Variants in ARHGEF10L observed in about 807,000 individuals in gnomAD.
ARHGEF10L encodes Rho guanine nucleotide exchange factor 10 like.
Under a neutral mutation model 141.2 loss-of-function variants are expected in ARHGEF10L, and 69 were observed. That is an observed-to-expected ratio of 0.49 (90% CI 0.40 to 0.60). The LOEUF (loss-of-function observed/expected upper bound fraction) is 0.60, where lower values mean the gene tolerates loss of function less well. ARHGEF10L is among the 20% of genes least tolerant of loss of function. ARHGEF10L has a pLI of 0.00. For missense variants in ARHGEF10L, 1,482 were observed against 1,734.3 expected (o/e 0.85, Z 2.58); for synonymous variants, 711 against 718.5 (o/e 0.99, Z 0.17).
intron 7 of ARHGEF10L, among the ~76,000 whole-genome samples, chr1:17,608,741 A>C (rs1283819484): frequency 6.6e-6 from 1 of 152,048 alleles, no homozygotes; most frequent in Non-Finnish European, 1.5e-5. Context: ...GCCCTGACTG[A>C]GCAGAGGGGA....
chr1:17,675,072 G>A (rs2063560849), intron 26 of ARHGEF10L, among the ~76,000 whole-genome samples: 1 of 152,156 alleles, frequency 6.6e-6, no homozygotes, highest in African/African-American at 2.4e-5. Context: ...TTGGGAGCTG[G>A]GGGTCTGATC....
At chr1:17,544,889 G>A (rs2764881) in intron 1 of ARHGEF10L, among the ~76,000 whole-genome samples, 92,257 of 151,912 alleles carry the variant, frequency 0.61, 28,488 homozygotes, top group East Asian at 0.8. Context: ...GGTGGCAGGC[G>A]AGAGAGCCTG....
intron 1 of ARHGEF10L, among the ~76,000 whole-genome samples, chr1:17,570,013 C>T (rs2077927052): frequency 6.6e-6 from 1 of 152,196 alleles, no homozygotes; most frequent in African/African-American, 2.4e-5. Context: ...TGTTTGTGAA[C>T]CTTACTGGGG....
At chr1:17,667,579 G>A (rs2102224885) in intron 26 of ARHGEF10L, among the ~76,000 whole-genome samples, 1 of 152,356 alleles carries the variant, frequency 6.6e-6, no homozygotes, top group Middle Eastern at 3.4e-3. Context: ...CAGGTAGGAG[G>A]CAGCTCAGGA....
intron 6 of ARHGEF10L, among the ~76,000 whole-genome samples, chr1:17,605,781 C>T (rs1181984505): frequency 6.6e-6 from 1 of 152,220 alleles, no homozygotes; most frequent in African/African-American, 2.4e-5. Context: ...AGGGTTCCTC[C>T]TCAGGGCTAC....
intron 1 of ARHGEF10L, among the ~76,000 whole-genome samples, chr1:17,576,777 T>G (rs2078242120): frequency 6.6e-6 from 1 of 152,166 alleles, no homozygotes; most frequent in Non-Finnish European, 1.5e-5. Flanking sequence ...ACCGCCCCAG[T>G]GAGAAAGGAA....
In ARHGEF10L at chr1:17,595,220, CTTTTTTT is replaced by C. The variant is rs58475060; in HGVS notation, c.257+6760_257+6766del. On this transcript the variant is annotated intron_variant, in intron 4 of 28. Coordinates refer to ENST00000361221, the MANE Select transcript of ARHGEF10L (RefSeq NM_018125.4). ...TTGCACATGCTGTTTCGTGGCTCACCTTTTTTTTTTTTTTTTTTTTTTTTTAAAGCTA... is the reference window on the plus strand; with the variant it reads ...TTGCACATGCTGTTTCGTGGCTCACCTTTTTTTTTTTTTTTTTTAAAGCTA... Among the ~76,000 whole-genome samples, 226 of 106,104 alleles carry C rather than the reference CTTTTTTT, an allele frequency of 2.1e-3. 3 individuals are homozygous for C. Among genetic ancestry groups the C allele is most frequent in the African/African-American group, 7.5e-3 (204 of 27,222 alleles). The allele number at this position is 106,104 out of a possible 152,430, so 69.6% of individuals were successfully genotyped here. A position where few individuals can be genotyped will look rare whatever the true frequency, so the allele number is the denominator to read the frequency against.
intron 4 of ARHGEF10L, among the ~76,000 whole-genome samples, chr1:17,588,931 G>T (rs1423042398): frequency 2.2e-5 from 3 of 137,842 alleles, no homozygotes; most frequent in African/African-American, 8.0e-5. Context: ...TTGAGGGTGG[G>T]GGGGGTGCAG....
chr1:17,557,724 C>T (rs112078243), intron 1 of ARHGEF10L, among the ~76,000 whole-genome samples: 1,993 of 152,306 alleles, frequency 0.013, 40 homozygotes, highest in African/African-American at 0.045. Context: ...TGGCCTAGGT[C>T]CGGGGAAGGA....
rs778280602 is a variant in ARHGEF10L at position 17,616,082 on chromosome 1, A to G, written c.727-12A>G. 4.3e-6 allele frequency: 7 copies of G among 1,612,286 alleles called. No homozygotes were observed. The highest frequency in any genetic ancestry group is 5.1e-6 in the Non-Finnish European group (6 of 1,179,136). ...CGTCCCTTCCCTGATGAGCCTCTCT[A>G]CCTTTGCTCAGATGACCCAGCTCAT... On this transcript the variant is annotated splice_polypyrimidine_tract_variant and intron_variant, in intron 8 of 28. Transcript: ENST00000361221.
the ARHGEF10L span, among the ~76,000 whole-genome samples, chr1:17,521,388 G>T: frequency 6.6e-6 from 1 of 152,144 alleles, no homozygotes; most frequent in Non-Finnish European, 1.5e-5. Context: ...TAGAGACGGG[G>T]TTTCTCCATG....
rs2060261284 is a variant in ARHGEF10L at position 17,624,221 on chromosome 1, G to A, written c.1201-166G>A. Among the ~76,000 whole-genome samples the A allele has an allele frequency of 2.0e-5, 3 of 152,208 alleles. No homozygotes were observed. In the South Asian group the frequency reaches 6.2e-4, roughly 31 times the overall value. On this transcript the variant is annotated intron_variant, in intron 12 of 28. Coordinates refer to ENST00000361221, the MANE Select transcript of ARHGEF10L (RefSeq NM_018125.4). ...CTGAGCTCCATGTCCACACCCCAGT[G>A]GGGGTGATGGATTTGCACAGCTCGA...
chr1:17,532,002 C>A, the ARHGEF10L span, among the ~76,000 whole-genome samples: 1 of 152,162 alleles, frequency 6.6e-6, no homozygotes, highest in Non-Finnish European at 1.5e-5. Flanking sequence ...CTGAGCACCC[C>A]CCACCACCAC....
Position 17,642,813 on chromosome 1 carries a change from G to A in ARHGEF10L, c.2272+2511G>A, listed in dbSNP as rs3766304. 9.5e-4 allele frequency among the ~76,000 whole-genome samples: 145 copies of A among 152,288 alleles called. 2 individuals are homozygous for A. The East Asian group carries it at 0.02, about 21-fold the overall frequency. ...GGCTTCCCTGCCCCTTGGGCCATGC[G>A]CTCCCCTCCCCACCCCATGCATCAC... On this transcript the variant is annotated intron_variant, in intron 21 of 28. Transcript: ENST00000361221.
intron 4 of ARHGEF10L, among the ~76,000 whole-genome samples, chr1:17,592,819 C>T (rs909096850): frequency 4.6e-5 from 7 of 152,168 alleles, no homozygotes; most frequent in African/African-American, 1.7e-4. Context: ...TCCTGTCCCG[C>T]AGGGTCCATG....
intron 25 of ARHGEF10L, among the ~76,000 whole-genome samples, chr1:17,658,209 G>A (rs907175085): frequency 2.6e-5 from 4 of 152,184 alleles, no homozygotes; most frequent in Admixed American, 2.0e-4. Flanking sequence ...TCCCTCTCCA[G>A]TATGAACTCA....
At chr1:17,598,922 C>T (rs1277511815) in intron 4 of ARHGEF10L, among the ~76,000 whole-genome samples, 6 of 152,074 alleles carry the variant, frequency 3.9e-5, no homozygotes, top group African/African-American at 7.2e-5. Flanking sequence ...TGCAGGTAGA[C>T]GTAGTGTAAG....
At position 17,656,315 on chromosome 1, in the gene ARHGEF10L, G is replaced by C. The variant is rs569187179; in HGVS notation, c.2705+213G>C. On this transcript the variant is annotated intron_variant, in intron 24 of 28. Transcript: ENST00000361221. This position sits in a 1 kb window ranked among gnomAD's most constrained non-coding sequence, Gnocchi z 4.9. ...TGCCTGGCTCCTCCCAGGCAGAATG[G>C]CTGGCTCTTTTGCCTCCCTGAGTCC... 6.6e-6 allele frequency among the ~76,000 whole-genome samples: 1 copy of C among 152,200 alleles called. No homozygotes were observed. The highest frequency in any genetic ancestry group is 2.1e-4 in the South Asian group (1 of 4,836).
At chr1:17,690,774 G>A (rs935435366) in intron 27 of ARHGEF10L, among the ~76,000 whole-genome samples, 3 of 152,200 alleles carry the variant, frequency 2.0e-5, no homozygotes, top group Non-Finnish European at 4.4e-5. Flanking sequence ...TGAGCTCCAA[G>A]CTGAGCCAGA....
Sources: gnomAD v4.1 joint callset for allele counts (sites outside exome capture counted in the v4.1 genomes callset) on GRCh38, gnomAD v4.1.1 for gene constraint, Gnocchi (gnomAD v3.1) non-coding constraint, MANE v1.5 for transcripts, NCBI Gene and HGNC (gene_info 2026-07-23, HGNC 2026-07-21) for gene names.